Variants in IL21R observed in about 807,000 individuals in gnomAD.
The protein encoded by IL21R is interleukin 21 receptor, also known as interleukin-21 receptor.
In IL21R, 14 loss-of-function variants were observed where a neutral mutation model predicts 41.3. The ratio of observed to expected loss-of-function variants is 0.34; its 90% confidence interval spans 0.22 to 0.53. The LOEUF (loss-of-function observed/expected upper bound fraction) is 0.53. Among genes scored for constraint, IL21R ranks in the 20% least tolerant of loss-of-function variants. The pLI is 0.94. For missense variants in IL21R, 588 were observed against 681.6 expected (o/e 0.86, Z 1.53); for synonymous variants, 286 against 287.6 (o/e 0.99, Z 0.05).
intron 4 of IL21R, among the ~76,000 whole-genome samples, chr16:27,437,901 C>T (rs899036662): frequency 2.6e-5 from 4 of 152,096 alleles, no homozygotes; most frequent in South Asian, 2.1e-4. Context: ...TGGGCTCCAG[C>T]GATCCACTTG....
intron 1 of IL21R, among the ~76,000 whole-genome samples, chr16:27,414,618 T>A (rs2086870426): frequency 6.6e-6 from 1 of 152,016 alleles, no homozygotes; most frequent in Admixed American, 6.5e-5. Context: ...GTTTTCTTTT[T>A]TGACCTATCT....
At chr16:27,448,380 G>A in intron 8 of IL21R, 154 bp from the exon 9 acceptor site, 2 of 758,096 alleles carry the variant, frequency 2.6e-6, no homozygotes, top group Non-Finnish European at 2.1e-6. Context: ...ACTTGATCCT[G>A]GGAGGCAGAG....
chr16:27,430,167 A>G, intron 2 of IL21R, 47 bp downstream of exon 2: 1 of 1,554,324 alleles, frequency 6.4e-7, no homozygotes. Flanking sequence ...CCCCCATCAC[A>G]GAGCTGAGCC....
At chr16:27,436,064 G>C (rs2087263790) in intron 3 of IL21R, among the ~76,000 whole-genome samples, 1 of 152,186 alleles carries the variant, frequency 6.6e-6, no homozygotes, top group Admixed American at 6.5e-5. Flanking sequence ...CACAGGACTT[G>C]AAAAGTCAGG....
rs761690967 is a variant in IL21R, at chr16:27,434,459, C to T, written c.152+10C>T. 2.2e-5 allele frequency: 35 copies of T among 1,570,252 alleles called. No individual in the cohort carries two copies. In the Middle Eastern group the frequency reaches 1.0e-3, roughly 45 times the overall value. Reference sequence around the variant, plus strand: ...CGCTCACCCTTACCTGGTAAGTAGCCGGGCCTCACCAGTCCCCGGGGATGC... The same window carrying T: ...CGCTCACCCTTACCTGGTAAGTAGCTGGGCCTCACCAGTCCCCGGGGATGC... On this transcript the variant is annotated intron_variant, in intron 3 of 8. Transcript: ENST00000337929.
intron 8 of IL21R, 49 bp downstream of exon 8, chr16:27,446,137 C>T: frequency 6.7e-7 from 1 of 1,498,926 alleles, no homozygotes; most frequent in Non-Finnish European, 9.2e-7. Flanking sequence ...TCCTCCTCTT[C>T]AGGAGCCCCA....
chr16:27,433,024 A>T (rs558144513), intron 2 of IL21R, among the ~76,000 whole-genome samples: 94 of 152,312 alleles, frequency 6.2e-4, no homozygotes, highest in African/African-American at 2.2e-3. Flanking sequence ...CAATGAACTA[A>T]AGGATATTTC....
rs1249620720 is a variant in IL21R, at chr16:27,450,540, T to C, written c.*1257T>C. On this transcript the variant is annotated 3_prime_UTR_variant, in exon 9 of 9. Coordinates refer to ENST00000337929, the MANE Select transcript of IL21R (RefSeq NM_181078.3). The stretch of plus-strand genomic sequence containing the variant: ...GTCAGAGAACCTGTTGAAATGTGAA[T>C]TAAGAAGCTAAGAAAATATTTCTTA... 1 of 226,372 alleles carries C rather than the reference T, an allele frequency of 4.4e-6. No homozygotes were observed. Among genetic ancestry groups the C allele is most frequent in the African/African-American group, 2.2e-5 (1 of 44,952 alleles). 14.0% of individuals were successfully genotyped at this position (226,372 alleles called of 1,614,324 possible).
intron 1 of IL21R, among the ~76,000 whole-genome samples, chr16:27,405,441 T>C (rs1302209067): frequency 6.6e-6 from 1 of 152,092 alleles, no homozygotes; most frequent in South Asian, 2.1e-4. Context: ...CCTCAGTAAA[T>C]AAGAGCTCTT....
chr16:27,418,562 G>A (rs988828055), intron 1 of IL21R, among the ~76,000 whole-genome samples: 6 of 151,952 alleles, frequency 3.9e-5, no homozygotes, highest in Admixed American at 1.3e-4. Flanking sequence ...AGTAGAGACG[G>A]GGTTTCACCA....
Position 27,430,123 on chromosome 16 carries a change from A to T in IL21R, c.49+3A>T. ...GCTCCTGCTGCTGCTCCAGGGAGGT[A>T]AGTGGCTGCCCCGTGGTCTGCGGGT... On this transcript the variant is annotated splice_donor_region_variant and intron_variant, in intron 2 of 8. Transcript: ENST00000337929. The T allele has an allele frequency of 6.2e-7, 1 of 1,603,144 alleles. No homozygotes were observed.
intron 8 of IL21R, 120 bp downstream of exon 8, chr16:27,446,208 C>A: frequency 1.5e-6 from 1 of 670,830 alleles, no homozygotes; most frequent in Non-Finnish European, 2.4e-6. Flanking sequence ...CAGGTCTCAG[C>A]CAAGCCACAA....
intron 1 of IL21R, among the ~76,000 whole-genome samples, chr16:27,417,024 G>A (rs577644007): frequency 9.2e-5 from 14 of 152,222 alleles, no homozygotes; most frequent in Admixed American, 4.6e-4. Context: ...TTCACCAGTC[G>A]ATAGAAATTT....
intron 1 of IL21R, among the ~76,000 whole-genome samples, chr16:27,419,989 G>A (rs536728561): frequency 6.6e-6 from 1 of 151,170 alleles, no homozygotes; most frequent in African/African-American, 2.4e-5. Flanking sequence ...CCCCATTCAA[G>A]TGATTCTCCT....
chr16:27,449,574 G>A lies in IL21R; in HGVS notation c.*291G>A. 1 of 484,612 alleles carries A rather than the reference G, an allele frequency of 2.1e-6. No individual in the cohort carries two copies. Among genetic ancestry groups the A allele is most frequent in the South Asian group, 3.2e-5 (1 of 31,192 alleles). The allele number at this position is 484,612 out of a possible 1,614,324, so 30.0% of individuals were successfully genotyped here. ...GGTACTCCATGCATTCACCTGCCCTGTGCATGTCTGGACTCACGGAGCTCA... is the reference window on the plus strand; with the variant it reads ...GGTACTCCATGCATTCACCTGCCCTATGCATGTCTGGACTCACGGAGCTCA... On this transcript the variant is annotated 3_prime_UTR_variant, in exon 9 of 9. Transcript: ENST00000337929.
chr16:27,417,442 C>T (rs570290991), intron 1 of IL21R, among the ~76,000 whole-genome samples: 2 of 152,340 alleles, frequency 1.3e-5, no homozygotes, highest in South Asian at 2.1e-4. Flanking sequence ...GCTGGGATTA[C>T]AGGCATGAGC....
At chr16:27,407,919 AG>A (rs2086772964) in intron 1 of IL21R, among the ~76,000 whole-genome samples, 1 of 152,218 alleles carries the variant, frequency 6.6e-6, no homozygotes, top group Non-Finnish European at 1.5e-5. Context: ...TGGGTCAAAA[AG>A]GGTAAGATTT....
At chr16:27,423,801 A>G (rs984780239) in intron 1 of IL21R, among the ~76,000 whole-genome samples, 3 of 152,212 alleles carry the variant, frequency 2.0e-5, no homozygotes, top group African/African-American at 7.2e-5. Context: ...ATTAAAATCA[A>G]TGCTGCTATA....
chr16:27,435,320 G>C (rs2087248735), intron 3 of IL21R, among the ~76,000 whole-genome samples: 1 of 152,170 alleles, frequency 6.6e-6, no homozygotes, highest in Non-Finnish European at 1.5e-5. Context: ...CAGGCACTGG[G>C]GATTCAGCAG....
Sources: allele counts gnomAD v4.1 joint callset (sites outside exome capture counted in the v4.1 genomes callset), GRCh38; gene constraint gnomAD v4.1.1; transcripts MANE v1.5; gene names NCBI Gene and HGNC (gene_info 2026-07-23, HGNC 2026-07-21).